Variants in CDK17 observed in about 807,000 individuals in gnomAD.
CDK17 encodes the protein cyclin dependent kinase 17.
Under a neutral mutation model 77.6 loss-of-function variants are expected in CDK17, and 24 were observed. The observed-to-expected ratio is 0.31, with a 90% CI of 0.22 to 0.44. The LOEUF (loss-of-function observed/expected upper bound fraction) is 0.44. Ranked by LOEUF, CDK17 falls within the 20% of genes least tolerant of loss-of-function variation. CDK17 has a pLI of 1.00. For missense variants in CDK17, 429 were observed against 622.5 expected (o/e 0.69, Z 3.31); for synonymous variants, 203 against 210.4 (o/e 0.96, Z 0.30).
At chr12:96,337,652 A>T (rs1423475099) in intron 1 of CDK17, among the ~76,000 whole-genome samples, 1 of 152,170 alleles carries the variant, frequency 6.6e-6, no homozygotes, top group East Asian at 1.9e-4. Flanking sequence ...TTTACTTCTG[A>T]TAGTCAACCT....
Position 96,278,520 on chromosome 12 carries a change from C to T in CDK17, c.*1722G>A, listed in dbSNP as rs904396973. On this transcript the variant is annotated 3_prime_UTR_variant, in exon 17 of 17. Transcript: ENST00000261211. ...GACCCCACTCGGCACAGCCTTCATCCCCAAGAAAGAACTGTGACTCAATAA... is the reference window on the plus strand; with the variant it reads ...GACCCCACTCGGCACAGCCTTCATCTCCAAGAAAGAACTGTGACTCAATAA... 2 of 152,452 alleles carry T rather than the reference C, an allele frequency of 1.3e-5. No individual in the cohort carries two copies. The highest frequency in any genetic ancestry group is 4.8e-5 in the African/African-American group (2 of 41,400). The allele number at this position is 152,452 out of a possible 1,614,324, so 9.4% of individuals were successfully genotyped here. A position where few individuals can be genotyped will look rare whatever the true frequency, so the allele number is the denominator to read the frequency against.
At chr12:96,285,952 AT>A (rs34615906) in intron 13 of CDK17, 90 bp downstream of exon 13, 3 of 670,074 alleles carry the variant, frequency 4.5e-6, no homozygotes, top group East Asian at 3.2e-5. Flanking sequence ...TGTATTATGT[AT>A]TTTTTCCTGA....
At chr12:96,353,078 T>A (rs1953334998) in intron 1 of CDK17, among the ~76,000 whole-genome samples, 1 of 152,192 alleles carries the variant, frequency 6.6e-6, no homozygotes, top group South Asian at 2.1e-4. Flanking sequence ...CTTCATATAC[T>A]AATAAGTATT....
chr12:96,323,276 A>C (rs200796779), intron 3 of CDK17, among the ~76,000 whole-genome samples: 11 of 130,754 alleles, frequency 8.4e-5, no homozygotes, highest in African/African-American at 3.1e-4. Context: ...TCTAAAAAAA[A>C]AAAAAAAACA....
intron 1 of CDK17, among the ~76,000 whole-genome samples, chr12:96,338,525 C>T (rs1229388804): frequency 6.6e-5 from 10 of 152,070 alleles, no homozygotes; most frequent in Admixed American, 6.5e-4. Flanking sequence ...TTTCGGACTC[C>T]AACTTTTTCA....
chr12:96,358,370 TAAA>T (rs35899533), intron 1 of CDK17, among the ~76,000 whole-genome samples: 1 of 35,178 alleles, frequency 2.8e-5, no homozygotes, highest in Non-Finnish European at 5.6e-5. Flanking sequence ...TGCAAACTTG[TAAA>T]AAAAAAAAAA....
At chr12:96,375,344 T>A (rs1380556095) in intron 1 of CDK17, among the ~76,000 whole-genome samples, 1 of 151,970 alleles carries the variant, frequency 6.6e-6, no homozygotes, top group Non-Finnish European at 1.5e-5. Flanking sequence ...CTCTGCAGAT[T>A]TATTCCACCC....
At chr12:96,390,046 T>C (rs1388912216) in intron 1 of CDK17, among the ~76,000 whole-genome samples, 1 of 152,008 alleles carries the variant, frequency 6.6e-6, no homozygotes, top group Non-Finnish European at 1.5e-5. Flanking sequence ...GCCAGGATGG[T>C]CTTGATATCC....
chr12:96,318,570 G>T (rs946008492), intron 3 of CDK17, among the ~76,000 whole-genome samples: 5 of 147,356 alleles, frequency 3.4e-5, no homozygotes, highest in Non-Finnish European at 7.5e-5. Flanking sequence ...CTCAGCAAAT[G>T]TAAAAGAACA....
intron 1 of CDK17, among the ~76,000 whole-genome samples, chr12:96,338,252 G>A (rs1229964856): frequency 6.6e-6 from 1 of 152,180 alleles, no homozygotes; most frequent in Non-Finnish European, 1.5e-5. Flanking sequence ...AACTCCACTG[G>A]AAGAAGGCAA....
At chr12:96,285,974 TG>T in intron 13 of CDK17, 68 bp downstream of exon 13, 1 of 763,558 alleles carries the variant, frequency 1.3e-6, no homozygotes, top group Non-Finnish European at 2.3e-6. Context: ...ATCCTTACTG[TG>T]GCTAATCCTT....
intron 3 of CDK17, among the ~76,000 whole-genome samples, chr12:96,319,591 C>G (rs1191549303): frequency 7.0e-6 from 1 of 142,524 alleles, no homozygotes; most frequent in African/African-American, 2.7e-5. Context: ...CATCAAAAAG[C>G]TTATCCACCA....
intron 13 of CDK17, 49 bp downstream of exon 13, chr12:96,285,994 T>C: frequency 1.1e-6 from 1 of 903,442 alleles, no homozygotes; most frequent in South Asian, 1.4e-5. Flanking sequence ...TTCAAAAGAT[T>C]GAAAAGAATC....
intron 1 of CDK17, among the ~76,000 whole-genome samples, chr12:96,373,306 GGCCAGCTGCGGTGGCTCCCA>G (rs1953721580): frequency 6.6e-6 from 1 of 152,174 alleles, no homozygotes; most frequent in African/African-American, 2.4e-5. Context: ...GCAATTAACA[GGCCAGCTGCGGTGGCTCCCA>G]AAGTGCCTGT....
At chr12:96,319,232 T>C (rs1952779572) in intron 3 of CDK17, among the ~76,000 whole-genome samples, 1 of 151,344 alleles carries the variant, frequency 6.6e-6, no homozygotes, top group South Asian at 2.1e-4. Context: ...ACATACACTC[T>C]CCCAAGACTA....
intron 1 of CDK17, 115 bp from the exon 2 acceptor site, chr12:96,334,980 C>T (rs1347351529): frequency 1.2e-5 from 8 of 687,826 alleles, no homozygotes; most frequent in Non-Finnish European, 2.1e-5. Context: ...GGAATTCTCA[C>T]TTCTGCCAAA....
intron 3 of CDK17, among the ~76,000 whole-genome samples, chr12:96,313,732 C>T (rs772635479): frequency 6.6e-6 from 1 of 152,100 alleles, no homozygotes; most frequent in Non-Finnish European, 1.5e-5. Context: ...GAAATAATAT[C>T]TCTGAGAATG....
chr12:96,348,917 G>C (rs1375411421), intron 1 of CDK17, among the ~76,000 whole-genome samples: 1 of 152,118 alleles, frequency 6.6e-6, no homozygotes, highest in African/African-American at 2.4e-5. Context: ...CTAAACAACT[G>C]AAGAGGGGGT....
chr12:96,359,085 C>G (rs1175821244), intron 1 of CDK17, among the ~76,000 whole-genome samples: 2 of 151,720 alleles, frequency 1.3e-5, no homozygotes, highest in Non-Finnish European at 2.9e-5. Context: ...ATGTATCACT[C>G]CATTCTTGGC....
Sources: gnomAD v4.1 joint callset for allele counts (sites outside exome capture counted in the v4.1 genomes callset) on GRCh38, gnomAD v4.1.1 for gene constraint, MANE v1.5 for transcripts, NCBI Gene and HGNC (gene_info 2026-07-23, HGNC 2026-07-21) for gene names.